The following BSCL2 variants were observed in gnomAD, a reference collection of about 807,000 sequenced individuals.
BSCL2 encodes the protein seipin.
A neutral mutation model predicts 57.4 loss-of-function variants in BSCL2; 41 were observed. That is an observed-to-expected ratio of 0.71 (90% CI 0.56 to 0.93). The LOEUF (loss-of-function observed/expected upper bound fraction) is 0.93. BSCL2 is among the 40% of genes least tolerant of loss of function. BSCL2 has a pLI of 0.00. For missense variants in BSCL2, 539 were observed against 586.7 expected (o/e 0.92, Z 0.84); for synonymous variants, 237 against 227.3 (o/e 1.04, Z -0.38).
upstream of BSCL2, chr11:62,707,442 G>A: frequency 2.9e-6 from 2 of 696,538 alleles, no homozygotes; most frequent in Admixed American, 4.0e-5. Flanking sequence ...GTCCCCCGCA[G>A]CCAGTACAGA....
At chr11:62,695,852 T>C (rs977217307) in intron 3 of BSCL2, among the ~76,000 whole-genome samples, 7 of 151,976 alleles carry the variant, frequency 4.6e-5, no homozygotes, top group Non-Finnish European at 8.8e-5. Flanking sequence ...GATAGGGGCC[T>C]TTTTTTGTAC....
intron 3 of BSCL2, 144 bp from the exon 4 acceptor site, chr11:62,694,855 G>C: frequency 1.0e-6 from 1 of 998,996 alleles, no homozygotes; most frequent in East Asian, 2.6e-5. Flanking sequence ...CTTTCAATCT[G>C]TCATCCCAAG....
At chr11:62,693,361 A>C (rs1007860644) in intron 4 of BSCL2, among the ~76,000 whole-genome samples, 2 of 152,046 alleles carry the variant, frequency 1.3e-5, no homozygotes, top group African/African-American at 4.8e-5. Context: ...AAAATTAGCC[A>C]GGTGTAGTGG....
chr11:62,706,707 G>C (rs1170148804), intron 1 of BSCL2: 1 of 487,272 alleles, frequency 2.1e-6, no homozygotes, highest in Admixed American at 2.3e-5. Context: ...AGGACCTGTA[G>C]GCATCTAAGG....
Position 62,705,517 on chromosome 11 carries a change from G to A in BSCL2, c.188C>T (p.Pro63Leu), listed in dbSNP as rs756478297. ...PEPGARHPALPAMVNDPPVPA... is the reference protein window; with the variant it reads ...PEPGARHPALLAMVNDPPVPA... Reference sequence around the variant, plus strand: ...TACTGGAGGGTCGTTGACCATGGCCGGGAGAGCAGGGTGTCTGGCCCCAGG... The same window carrying A: ...TACTGGAGGGTCGTTGACCATGGCCAGGAGAGCAGGGTGTCTGGCCCCAGG... Residue 63 changes from proline to leucine, a missense_variant, in exon 2 of 11, where the codon CCG (proline) becomes CTG (leucine). Around this residue, in one of 3 missense-constraint regions of BSCL2, gnomAD observed 218 missense variants for 224.8 expected, o/e 0.97. Coordinates refer to ENST00000360796, the MANE Select transcript of BSCL2 (RefSeq NM_001122955.4). 17 of 1,613,374 alleles carry A rather than the reference G, an allele frequency of 1.1e-5. No individual in the cohort carries two copies. Among genetic ancestry groups the A allele is most frequent in the African/African-American group, 1.3e-5 (1 of 74,882 alleles).
In BSCL2 at chr11:62,702,572, A is replaced by C. The variant is rs747313556; in HGVS notation, c.405-23T>G. On this transcript the variant is annotated intron_variant, in intron 2 of 10. Transcript: ENST00000360796. ...GTCCTAAATGAGATTGGAGGAGGAT[A>C]CTCTGCTAAGTTAGTCTTACTAGTC... The C allele has an allele frequency of 3.1e-6, 5 of 1,596,852 alleles. No homozygotes were observed. The South Asian group carries it at 5.5e-5, about 18-fold the overall frequency.
chr11:62,699,403 G>A (rs1279888787), intron 3 of BSCL2, among the ~76,000 whole-genome samples: 1 of 151,492 alleles, frequency 6.6e-6, no homozygotes, highest in African/African-American at 2.4e-5. Flanking sequence ...TCACCATGTT[G>A]GTCAGGATGA....
In BSCL2 at chr11:62,707,255, T is replaced by A; in HGVS notation, c.-60A>T. 7.0e-7 allele frequency: 1 copy of A among 1,434,516 alleles called. No homozygotes were observed. Among genetic ancestry groups the A allele is most frequent in the Non-Finnish European group, 9.6e-7 (1 of 1,040,154 alleles). 88.9% of individuals were successfully genotyped at this position (1,434,516 alleles called of 1,614,324 possible). A position where few individuals can be genotyped will look rare whatever the true frequency, so the allele number is the denominator to read the frequency against. On this transcript the variant is annotated 5_prime_UTR_variant, in exon 1 of 11. Coordinates refer to ENST00000360796, the MANE Select transcript of BSCL2 (RefSeq NM_001122955.4). ...CACTGAGTCACTTGTGGCTAAAACGTGAAGTGGCGATCCAGACGCTGATAC... is the reference window on the plus strand; with the variant it reads ...CACTGAGTCACTTGTGGCTAAAACGAGAAGTGGCGATCCAGACGCTGATAC...
intron 3 of BSCL2, among the ~76,000 whole-genome samples, chr11:62,696,542 A>C (rs1590875278): frequency 7.1e-6 from 1 of 141,366 alleles, no homozygotes; most frequent in Non-Finnish European, 1.5e-5. Flanking sequence ...CCCCTCAACC[A>C]CTCCCCCAGT....
Position 62,690,865 on chromosome 11 carries a change from G to T in BSCL2, c.1075C>A (p.Pro359Thr). 6.2e-7 allele frequency: 1 copy of T among 1,613,502 alleles called. No individual in the cohort carries two copies. The highest frequency in any genetic ancestry group is 8.5e-7 in the Non-Finnish European group (1 of 1,179,938). The stretch of plus-strand genomic sequence containing the variant: ...GGAGTTGACTCCTCCTGGCCTTCAG[G>T]CCCTGCACCTCCAAAGAGGGAGAGG... ...QRRISAHQPGPEGQEESTPQS... is the reference protein window; with the variant it reads ...QRRISAHQPGTEGQEESTPQS... Residue 359 changes from proline to threonine, a missense_variant and splice_region_variant, in exon 9 of 11, where the codon CCT becomes ACT. By Grantham distance (38) the Pro-to-Thr change is conservative. Transcript: ENST00000360796.
chr11:62,691,775 A>G (rs759833002), intron 6 of BSCL2, among the ~76,000 whole-genome samples: 7 of 152,140 alleles, frequency 4.6e-5, no homozygotes, highest in Non-Finnish European at 7.4e-5. Context: ...CACAGGCCGG[A>G]CGCGGTGGCT....
chr11:62,705,442 G>A lies in BSCL2; in HGVS notation c.263C>T (p.Ala88Val). The change falls in exon 2 of 11, where the codon GCC (alanine) becomes GTC (valine). Residue 88 changes from alanine (A) to valine (V), a missense_variant. Ala to Val is a moderately conservative substitution (Grantham distance 64, BLOSUM62 0). Around this residue, in one of 3 missense-constraint regions of BSCL2, gnomAD observed 218 missense variants for 224.8 expected, o/e 0.97. Transcript: ENST00000360796. ...QEVGQVLAGR[A>V]RRLLLQFGVL... Reference sequence around the variant, plus strand: ...CCCAAACTGCAGCAGCAGCCTGCGGGCACGGCCTGCCAAGACTTGGCCCAC... The same window carrying A: ...CCCAAACTGCAGCAGCAGCCTGCGGACACGGCCTGCCAAGACTTGGCCCAC... 1 of 1,614,234 alleles carries A rather than the reference G, an allele frequency of 6.2e-7. No individual in the cohort carries two copies. The highest frequency in any genetic ancestry group is 8.5e-7 in the Non-Finnish European group (1 of 1,180,048).
In BSCL2 at chr11:62,707,058, C is replaced by A. The variant is rs761632768; in HGVS notation, c.87+51G>T. The A allele has an allele frequency of 2.3e-5, 35 of 1,490,114 alleles. 1 individual carries two copies. In the Middle Eastern group the frequency reaches 3.9e-3, roughly 167 times the overall value. 92.3% of individuals were successfully genotyped at this position (1,490,114 alleles called of 1,614,324 possible). On this transcript the variant is annotated intron_variant, in intron 1 of 10. Coordinates refer to ENST00000360796, the MANE Select transcript of BSCL2 (RefSeq NM_001122955.4). ...CATCCCCCCGCCCCCTTCACGCCAG[C>A]CCACCTATTTCCAGTATATTTCTGC... is the stretch of plus-strand genomic sequence containing the variant.
intron 3 of BSCL2, among the ~76,000 whole-genome samples, chr11:62,695,571 C>T (rs573366559): frequency 1.1e-3 from 169 of 151,540 alleles, no homozygotes; most frequent in African/African-American, 3.6e-3. Context: ...ATTAGATGGA[C>T]GTGGTGGCAG....
At chr11:62,697,293 G>T (rs1945499178) in intron 3 of BSCL2, among the ~76,000 whole-genome samples, 1 of 150,994 alleles carries the variant, frequency 6.6e-6, no homozygotes, top group South Asian at 2.1e-4. Flanking sequence ...TACTTGGGAG[G>T]CTGAGGCAGG....
chr11:62,697,384 CA>C (rs36037914), intron 3 of BSCL2: 68,869 of 102,680 alleles, frequency 0.67, 22,161 homozygotes, highest in Admixed American at 0.77. Flanking sequence ...AACTCCGTCT[CA>C]AAAAAAAAAA....
intron 2 of BSCL2, among the ~76,000 whole-genome samples, chr11:62,704,572 A>G (rs1209721007): frequency 6.6e-6 from 1 of 151,422 alleles, no homozygotes; most frequent in Non-Finnish European, 1.5e-5. Flanking sequence ...ACAAAACAAA[A>G]AAAAACCCAT....
Position 62,692,528 on chromosome 11 carries a change from C to G in BSCL2, c.766-55G>C. ...AGGCCAGGGTCCTGCCGCTAGCACT[C>G]TTACCCGCCTCATCTGAGCCCCACT... On this transcript the variant is annotated intron_variant, in intron 5 of 10. Transcript: ENST00000360796. 1.9e-6 allele frequency: 3 copies of G among 1,610,250 alleles called. No homozygotes were observed. The South Asian group carries it at 3.3e-5, about 18-fold the overall frequency.
chr11:62,692,532 C>T, intron 5 of BSCL2, 59 bp from the exon 6 acceptor site: 1 of 1,610,892 alleles, frequency 6.2e-7, no homozygotes, highest in Non-Finnish European at 8.5e-7. Context: ...AGCACTCTTA[C>T]CCGCCTCATC....
Sources: gnomAD v4.1 joint callset for allele counts (sites outside exome capture counted in the v4.1 genomes callset) on GRCh38, gnomAD v4.1.1 for gene constraint, gnomAD v4.1.1 regional missense constraint, MANE v1.5 for transcripts, NCBI Gene and HGNC (gene_info 2026-07-23, HGNC 2026-07-21) for gene names.